The following CDH22 variants were observed in gnomAD, a reference collection of about 807,000 sequenced individuals.
CDH22 encodes cadherin-22.
In CDH22, 30 loss-of-function variants were observed where a neutral mutation model predicts 58.4. The observed-to-expected ratio is 0.51, with a 90% CI of 0.38 to 0.70. CDH22 has a LOEUF of 0.70. Among genes scored for constraint, CDH22 ranks in the 30% least tolerant of loss-of-function variants. CDH22 has a pLI of 0.00. For missense variants in CDH22, 1,014 were observed against 1,233.9 expected, an observed-to-expected ratio of 0.82 and a Z score of 2.67; for synonymous variants, 513 against 558.2, an observed-to-expected ratio of 0.92 and a Z score of 1.14.
intron 6 of CDH22, 53 bp downstream of exon 6, chr20:46,212,942 G>C: frequency 2.0e-6 from 3 of 1,514,512 alleles, no homozygotes; most frequent in Non-Finnish European, 1.8e-6. Flanking sequence ...AGGCCTCCCT[G>C]ATCCTCCCAC....
At chr20:46,200,205 A>C (rs148641346) in intron 7 of CDH22, among the ~76,000 whole-genome samples, 2 of 151,428 alleles carry the variant, frequency 1.3e-5, no homozygotes, top group African/African-American at 2.4e-5. Flanking sequence ...TGATCTCCTG[A>C]CCTCGTGATC....
chr20:46,222,289 A>T (rs1451633314), intron 4 of CDH22, among the ~76,000 whole-genome samples: 1 of 152,184 alleles, frequency 6.6e-6, no homozygotes, highest in Non-Finnish European at 1.5e-5. Context: ...GCACACAGCA[A>T]GTGCTCAAAT....
chr20:46,178,098 G>A lies in CDH22; in HGVS notation c.1763C>T (p.Thr588Ile), dbSNP rs764309034. 2.3e-5 allele frequency: 37 copies of A among 1,613,974 alleles called. 1 individual carries two copies. The East Asian group carries it at 7.3e-4, about 32-fold the overall frequency. ...PILVVDSGPP[T>I]LSSTGTLTIR... ...GGTGAGCGTGCCTGTGCTGCTCAGTGTGGGCGGCCCACTGTCTACCACCAG... is the reference window on the plus strand; with the variant it reads ...GGTGAGCGTGCCTGTGCTGCTCAGTATGGGCGGCCCACTGTCTACCACCAG... The change falls in exon 11 of 12, where the codon ACA becomes ATA. Residue 588 changes from threonine (T) to isoleucine (I), a missense_variant. This residue lies in a region of CDH22 where 806 missense variants were observed against 1,038.7 expected (regional missense o/e 0.78). Coordinates refer to ENST00000537909, the MANE Select transcript of CDH22 (RefSeq NM_021248.3).
intron 3 of CDH22, among the ~76,000 whole-genome samples, chr20:46,229,341 T>A (rs1052701180): frequency 7.0e-6 from 1 of 142,138 alleles, no homozygotes; most frequent in Non-Finnish European, 1.5e-5. Context: ...GGGGAAAAGA[T>A]TTCACTGAGG....
Position 46,174,418 on chromosome 20 carries a change from AG to A in CDH22, c.*87del, listed in dbSNP as rs2085718976. The A allele has an allele frequency of 1.1e-6, 1 of 947,038 alleles. No individual in the cohort carries two copies. Among genetic ancestry groups the A allele is most frequent in the Non-Finnish European group, 1.5e-6 (1 of 678,532 alleles). The allele number at this position is 947,038 out of a possible 1,614,324, so 58.7% of individuals were successfully genotyped here. A position where few individuals can be genotyped will look rare whatever the true frequency, so the allele number is the denominator to read the frequency against. Reference sequence around the variant, plus strand: ...AGGGAGGGTTGGGGGAGGGCAGGAAAGGGGGTCCGCGGGGGAAACGCGTTGT... The same window carrying A: ...AGGGAGGGTTGGGGGAGGGCAGGAAAGGGGTCCGCGGGGGAAACGCGTTGT... On this transcript the variant is annotated 3_prime_UTR_variant, in exon 12 of 12. Coordinates refer to ENST00000537909, the MANE Select transcript of CDH22 (RefSeq NM_021248.3). The surrounding 1 kb of genome is among the most constrained non-coding windows in gnomAD (Gnocchi z 4.4).
intron 7 of CDH22, among the ~76,000 whole-genome samples, chr20:46,207,367 C>T (rs912082754): frequency 6.6e-6 from 1 of 152,094 alleles, no homozygotes; most frequent in African/African-American, 2.4e-5. Flanking sequence ...GACCTGGGGC[C>T]AAGGACTCGC....
rs144601474 is a variant in CDH22 at position 46,244,145 on chromosome 20, C to T, written c.256-2888G>A. 3.3e-3 allele frequency among the ~76,000 whole-genome samples: 506 copies of T among 152,314 alleles called. 1 individual carries two copies. The highest frequency in any genetic ancestry group is 6.2e-3 in the Non-Finnish European group (420 of 68,028). On this transcript the variant is annotated intron_variant, in intron 2 of 11. Transcript: ENST00000537909. ...CTTCCCTTTCCATCTCCTGGGTCTC[C>T]ATCATGTCCCTGCAGGCCTTGATGT...
chr20:46,296,597 G>A lies in CDH22; in HGVS notation c.-400+11658C>T, dbSNP rs1021488552. ...GAGGGCTCAGCCCAGGTGAGCAAAG[G>A]TTTGCAGGTGGGAATGGGCCCTGGA... On this transcript the variant is annotated intron_variant, in intron 1 of 11. Coordinates refer to ENST00000537909, the MANE Select transcript of CDH22 (RefSeq NM_021248.3). Among the ~76,000 whole-genome samples the A allele has an allele frequency of 2.0e-5, 3 of 152,224 alleles. No individual in the cohort carries two copies. The East Asian group carries it at 5.8e-4, about 29-fold the overall frequency.
At chr20:46,214,077 G>A (rs1409255158) in intron 5 of CDH22, among the ~76,000 whole-genome samples, 4 of 152,088 alleles carry the variant, frequency 2.6e-5, no homozygotes, top group African/African-American at 4.8e-5. Flanking sequence ...GGGAGGGAGC[G>A]AGCCAAGCAG....
chr20:46,238,624 A>G (rs1428616342), intron 3 of CDH22, among the ~76,000 whole-genome samples: 1 of 152,158 alleles, frequency 6.6e-6, no homozygotes, highest in Non-Finnish European at 1.5e-5. Flanking sequence ...CATCTATTTA[A>G]TTGCTCAGGT....
At chr20:46,287,825 TC>T (rs1255652165) in intron 1 of CDH22, among the ~76,000 whole-genome samples, 2 of 151,670 alleles carry the variant, frequency 1.3e-5, no homozygotes, top group Non-Finnish European at 2.9e-5. Context: ...CCTGCTGGGG[TC>T]CCCCATCAGG....
chr20:46,216,891 G>A lies in CDH22; in HGVS notation c.773C>T (p.Ser258Leu), dbSNP rs746841120. The A allele has an allele frequency of 6.8e-6, 11 of 1,610,818 alleles. No homozygotes were observed. Among genetic ancestry groups the A allele is most frequent in the East Asian group, 2.2e-5 (1 of 44,778 alleles). The stretch of plus-strand genomic sequence containing the variant: ...TACGATGGTGACGGTAGTGGAGCCC[G>A]AGAGGCCACCCAGCTGACCCGCCAT... ...TDMAGQLGGL[S>L]GSTTVTIVVT... The change falls in exon 5 of 12, where the codon TCG becomes TTG. Residue 258 changes from serine (S) to leucine (L), a missense_variant. Transcript: ENST00000537909. This position sits in a 1 kb window ranked among gnomAD's most constrained non-coding sequence, Gnocchi z 5.3.
At chr20:46,289,871 G>T (rs556754267) in intron 1 of CDH22, among the ~76,000 whole-genome samples, 1 of 152,324 alleles carries the variant, frequency 6.6e-6, no homozygotes, top group Non-Finnish European at 1.5e-5. Context: ...ATCTGGAAGT[G>T]CAGGTTTCCA....
intron 10 of CDH22, among the ~76,000 whole-genome samples, chr20:46,183,229 C>T (rs1755084016): frequency 6.6e-6 from 1 of 152,064 alleles, no homozygotes; most frequent in Admixed American, 6.6e-5. Context: ...TGACACTAAG[C>T]CCCCCAAATC....
At chr20:46,226,952 G>T (rs1186477260) in intron 4 of CDH22, among the ~76,000 whole-genome samples, 1 of 152,198 alleles carries the variant, frequency 6.6e-6, no homozygotes, top group Non-Finnish European at 1.5e-5. Flanking sequence ...GGGTGGGCGT[G>T]CTGCACCATC....
rs563876062 is a variant in CDH22, at chr20:46,200,178, G to T, written c.1287-619C>A. Among the ~76,000 whole-genome samples the T allele has an allele frequency of 5.9e-5, 9 of 151,706 alleles. No individual in the cohort carries two copies. In the East Asian group the frequency reaches 1.4e-3, roughly 23 times the overall value. On this transcript the variant is annotated intron_variant, in intron 7 of 11. Transcript: ENST00000537909. The stretch of plus-strand genomic sequence containing the variant: ...TTCAGTAGAGACGGGGTTTCACCGT[G>T]TTAGCCAGGATGGTCTTGATCTCCT...
Position 46,174,586 on chromosome 20 carries a change from T to C in CDH22, c.2407A>G (p.Ser803Gly), listed in dbSNP as rs1870496639. Reference sequence around the variant, plus strand: ...GGCCGGAAGCGCGGACCCCAGCTGCTGAGATAGGCGAAGTCCTGCTCGGAG... The same window carrying C: ...GGCCGGAAGCGCGGACCCCAGCTGCCGAGATAGGCGAAGTCCTGCTCGGAG... ...SGSEQDFAYL[S>G]SWGPRFRPLA... Residue 803 changes from serine (S) to glycine (G), a missense_variant, in exon 12 of 12, where the codon AGC becomes GGC. Physicochemically the swap from Ser to Gly is moderately conservative, Grantham distance 56. Transcript: ENST00000537909. This position sits in a 1 kb window ranked among gnomAD's most constrained non-coding sequence, Gnocchi z 4.4. The C allele has an allele frequency of 3.3e-6, 5 of 1,532,480 alleles. No individual in the cohort carries two copies. The highest frequency in any genetic ancestry group is 4.4e-6 in the Non-Finnish European group (5 of 1,144,356). The allele number at this position is 1,532,480 out of a possible 1,614,324, so 94.9% of individuals were successfully genotyped here.
Position 46,199,411 on chromosome 20 carries a change from C to T in CDH22, c.1423+12G>A, listed in dbSNP as rs753924986. The T allele has an allele frequency of 3.7e-6, 6 of 1,604,676 alleles. No homozygotes were observed. The highest frequency in any genetic ancestry group is 4.2e-6 in the Non-Finnish European group (5 of 1,178,318). On this transcript the variant is annotated intron_variant, in intron 8 of 11. Coordinates refer to ENST00000537909, the MANE Select transcript of CDH22 (RefSeq NM_021248.3). ...ATATTTGCCCTTGGAGGGGGCGTGG[C>T]GCCCAGCTCACCCGCCTCCATGGCC...
Position 46,199,484 on chromosome 20 carries a change from G to T in CDH22, c.1362C>A (p.Gly454=), listed in dbSNP as rs757901246. The change falls in exon 8 of 12, where the codon GGC becomes GGA. Residue 454 remains glycine (G), a synonymous_variant. Transcript: ENST00000537909. ...CGGCCGTCTCGCGGTCCAGCCCCTT[G>T]CCAGTCACGATGGCGCCTGTGTCCG... ...IDADTGAIVT[G]KGLDRETAGW... 6 of 1,613,816 alleles carry T rather than the reference G, an allele frequency of 3.7e-6. No homozygotes were observed. The African/African-American group carries it at 6.7e-5, about 18-fold the overall frequency.
Sources: allele counts gnomAD v4.1 joint callset (sites outside exome capture counted in the v4.1 genomes callset), GRCh38; gene constraint gnomAD v4.1.1; regional missense constraint gnomAD v4.1.1; non-coding constraint Gnocchi (gnomAD v3.1); transcripts MANE v1.5; gene names NCBI Gene and HGNC (gene_info 2026-07-23, HGNC 2026-07-21).